The following ITGA9 variants were observed in gnomAD, a reference collection of about 807,000 sequenced individuals.
The protein encoded by ITGA9 is integrin alpha-9.
A neutral mutation model predicts 127.8 loss-of-function variants in ITGA9; 56 were observed. The observed-to-expected ratio is 0.44, with a 90% CI of 0.35 to 0.55. The LOEUF (loss-of-function observed/expected upper bound fraction) is 0.55, where lower values mean the gene tolerates loss of function less well. ITGA9 is among the 20% of genes least tolerant of loss of function. The probability of loss-of-function intolerance (pLI) is 0.00; values close to 1 mark genes in which losing one functional copy is unlikely to be tolerated. For synonymous variants in ITGA9, 508 were observed against 514.5 expected (o/e 0.99, Z 0.17); for missense variants, 1,196 against 1,347.1 (o/e 0.89, Z 1.76).
intron 17 of ITGA9, among the ~76,000 whole-genome samples, chr3:37,665,917 T>C (rs925463546): frequency 2.0e-5 from 3 of 152,164 alleles, no homozygotes; most frequent in Admixed American, 6.5e-5. Context: ...ACAGTCACAC[T>C]CTGGGAAAGA....
intron 23 of ITGA9, among the ~76,000 whole-genome samples, chr3:37,771,672 A>G (rs1414454509): frequency 1.3e-5 from 2 of 152,198 alleles, no homozygotes; most frequent in African/African-American, 4.8e-5. Context: ...CAAGGACTGC[A>G]TGATCTCGCA....
chr3:37,822,071 A>T lies in ITGA9; in HGVS notation c.*3082A>T, dbSNP rs909397872. ...GGGGAAGCAGATGGGGTGGATCAGT[A>T]CATCTGTGTTACCCTTCCAGAATAT... is the stretch of plus-strand genomic sequence containing the variant. On this transcript the variant is annotated 3_prime_UTR_variant, in exon 28 of 28. Coordinates refer to ENST00000264741, the MANE Select transcript of ITGA9 (RefSeq NM_002207.3). The T allele has an allele frequency of 1.3e-5, 2 of 152,144 alleles. No individual in the cohort carries two copies. The highest frequency in any genetic ancestry group is 4.8e-5 in the African/African-American group (2 of 41,446). The allele number at this position is 152,144 out of a possible 1,614,324, so 9.4% of individuals were successfully genotyped here. A position where few individuals can be genotyped will look rare whatever the true frequency, so the allele number is the denominator to read the frequency against.
chr3:37,786,377 G>A (rs1384349431), intron 26 of ITGA9, among the ~76,000 whole-genome samples: 4 of 152,094 alleles, frequency 2.6e-5, no homozygotes, highest in South Asian at 2.1e-4. Flanking sequence ...CTGGGCAGGC[G>A]GATCATCTGA....
chr3:37,462,919 A>G (rs1380378624), intron 1 of ITGA9, among the ~76,000 whole-genome samples: 1 of 152,202 alleles, frequency 6.6e-6, no homozygotes, highest in Non-Finnish European at 1.5e-5. Context: ...CAGAGTGGCC[A>G]GGGGACTTGT....
At position 37,819,202 on chromosome 3, in the gene ITGA9, A is replaced by G; in HGVS notation, c.*213A>G. On this transcript the variant is annotated 3_prime_UTR_variant, in exon 28 of 28. Coordinates refer to ENST00000264741, the MANE Select transcript of ITGA9 (RefSeq NM_002207.3). ...CCAGCACCACTTCCTTTAAAGATGAACTCTGAACTTTGGAGAGTGAGCTAC... is the reference window on the plus strand; with the variant it reads ...CCAGCACCACTTCCTTTAAAGATGAGCTCTGAACTTTGGAGAGTGAGCTAC... The G allele has an allele frequency of 1.7e-6, 1 of 599,738 alleles. No individual in the cohort carries two copies. The highest frequency in any genetic ancestry group is 3.0e-6 in the Non-Finnish European group (1 of 335,354). 37.2% of individuals were successfully genotyped at this position (599,738 alleles called of 1,614,324 possible).
intron 18 of ITGA9, among the ~76,000 whole-genome samples, chr3:37,728,873 AGGAGGGGAAGAAACCAAACAGGCATGT>A (rs1235967469): frequency 6.8e-4 from 104 of 151,910 alleles, no homozygotes; most frequent in Admixed American, 1.1e-3. Flanking sequence ...GAGCAGAATG[AGGAGGGGAAGAAACCAAACAGGCATGT>A]GGGCTCAGCT....
intron 15 of ITGA9, among the ~76,000 whole-genome samples, chr3:37,563,745 C>T (rs1313904305): frequency 1.3e-5 from 2 of 152,208 alleles, no homozygotes; most frequent in Middle Eastern, 3.2e-3. Flanking sequence ...AACTCCATCA[C>T]ACCCATCTGA....
intron 15 of ITGA9, among the ~76,000 whole-genome samples, chr3:37,553,755 A>C (rs979039023): frequency 6.6e-6 from 1 of 152,214 alleles, no homozygotes; most frequent in African/African-American, 2.4e-5. Flanking sequence ...TTGGGTCATT[A>C]GTAGCGCTTT....
chr3:37,688,948 G>A (rs1462490657), intron 18 of ITGA9, among the ~76,000 whole-genome samples: 2 of 151,706 alleles, frequency 1.3e-5, no homozygotes, highest in African/African-American at 4.8e-5. Flanking sequence ...GTGGATGAGT[G>A]GGTATGTGGG....
chr3:37,778,879 T>G (rs903295842), intron 24 of ITGA9, among the ~76,000 whole-genome samples: 1 of 141,632 alleles, frequency 7.1e-6, no homozygotes, highest in Non-Finnish European at 1.6e-5. Context: ...TGGGTTTTTT[T>G]TTTTTTTTTT....
intron 5 of ITGA9, among the ~76,000 whole-genome samples, chr3:37,497,771 T>C (rs569527999): frequency 1.3e-5 from 2 of 152,206 alleles, no homozygotes; most frequent in Non-Finnish European, 2.9e-5. Flanking sequence ...CAGGCCTGTC[T>C]AGTATTGTAT....
intron 25 of ITGA9, among the ~76,000 whole-genome samples, chr3:37,782,075 G>A (rs768748642): frequency 6.6e-6 from 1 of 152,198 alleles, no homozygotes; most frequent in Non-Finnish European, 1.5e-5. Context: ...ATTCCATAAG[G>A]GAGGCTGGAA....
intron 8 of ITGA9, among the ~76,000 whole-genome samples, chr3:37,512,748 C>T (rs1436284763): frequency 6.6e-6 from 1 of 152,188 alleles, no homozygotes; most frequent in Non-Finnish European, 1.5e-5. Flanking sequence ...TGGCAGTTAG[C>T]TGCAGCTGGG....
intron 23 of ITGA9, among the ~76,000 whole-genome samples, chr3:37,768,650 A>T (rs1488611160): frequency 6.6e-6 from 1 of 152,168 alleles, no homozygotes; most frequent in African/African-American, 2.4e-5. Context: ...TGGCCCAGGG[A>T]TGTAACTGAG....
At chr3:37,691,058 C>T (rs1037406006) in intron 18 of ITGA9, among the ~76,000 whole-genome samples, 1 of 152,208 alleles carries the variant, frequency 6.6e-6, no homozygotes, top group African/African-American at 2.4e-5. Context: ...TCCAGTACTC[C>T]TGCCCTCCCA....
intron 13 of ITGA9, among the ~76,000 whole-genome samples, chr3:37,532,652 C>A (rs1325455763): frequency 6.6e-6 from 1 of 152,154 alleles, no homozygotes; most frequent in Non-Finnish European, 1.5e-5. Context: ...ATTCATCAAG[C>A]ACTGGGAGAT....
chr3:37,552,621 C>A (rs1010826675), intron 15 of ITGA9, among the ~76,000 whole-genome samples: 2 of 152,114 alleles, frequency 1.3e-5, no homozygotes, highest in African/African-American at 4.8e-5. Context: ...AAACTTTTGA[C>A]AAATAGCGCT....
At chr3:37,514,816 G>GC (rs1698967463) in intron 9 of ITGA9, among the ~76,000 whole-genome samples, 1 of 152,118 alleles carries the variant, frequency 6.6e-6, no homozygotes, top group African/African-American at 2.4e-5. Context: ...CAAGTGATCT[G>GC]CCCTACTTGG....
chr3:37,779,015 T>A (rs1696942759), intron 24 of ITGA9, among the ~76,000 whole-genome samples: 1 of 152,176 alleles, frequency 6.6e-6, no homozygotes, highest in Non-Finnish European at 1.5e-5. Context: ...AGATGAAACA[T>A]CATCAAGGTA....
Sources: gnomAD v4.1 joint callset for allele counts (sites outside exome capture counted in the v4.1 genomes callset) on GRCh38, gnomAD v4.1.1 for gene constraint, MANE v1.5 for transcripts, NCBI Gene and HGNC (gene_info 2026-07-23, HGNC 2026-07-21) for gene names.